The following INPP5A variants were observed in gnomAD, a reference collection of about 807,000 sequenced individuals.
The protein encoded by INPP5A is inositol polyphosphate-5-phosphatase A.
INPP5A carries 14 observed loss-of-function variants against 65.2 expected under a neutral mutation model. That is an observed-to-expected ratio of 0.21 (90% CI 0.14 to 0.34). The LOEUF (loss-of-function observed/expected upper bound fraction) is 0.34, where lower values mean the gene tolerates loss of function less well. Ranked by LOEUF, INPP5A falls within the 10% of genes least tolerant of loss-of-function variation. INPP5A has a pLI of 1.00. For missense variants in INPP5A, 431 were observed against 545.6 expected (o/e 0.79, Z 2.09); for synonymous variants, 207 against 208.3 (o/e 0.99, Z 0.05).
intron 4 of INPP5A, among the ~76,000 whole-genome samples, chr10:132,665,740 T>G (rs1223153905): frequency 7.0e-6 from 1 of 143,686 alleles, no homozygotes; most frequent in Non-Finnish European, 1.5e-5. Flanking sequence ...TGCTTGAGCT[T>G]AGGAGTAATC....
rs139150842 is a variant in INPP5A at position 132,742,992 on chromosome 10, C to T, written c.733-6525C>T. Among the ~76,000 whole-genome samples the T allele has an allele frequency of 6.0e-4, 91 of 152,346 alleles. No homozygotes were observed. In the East Asian group the frequency reaches 9.4e-3, roughly 16 times the overall value. On this transcript the variant is annotated intron_variant, in intron 9 of 15. Transcript: ENST00000368594. ...GCCTGCCCCGCGCCCCCTTTGTCCC[C>T]GGCCATTGTTTCTGATTTCATGCTA...
At chr10:132,714,128 A>G (rs1845697636) in intron 8 of INPP5A, among the ~76,000 whole-genome samples, 2 of 152,168 alleles carry the variant, frequency 1.3e-5, no homozygotes, top group Non-Finnish European at 2.9e-5. Context: ...ATGGCATGGC[A>G]TTAAAATGTG....
chr10:132,734,552 G>A (rs1409870824), intron 9 of INPP5A, among the ~76,000 whole-genome samples: 1 of 152,260 alleles, frequency 6.6e-6, no homozygotes, highest in Non-Finnish European at 1.5e-5. Context: ...CTGGGTGGGT[G>A]AGTGTCCCAC....
chr10:132,670,704 C>T (rs1291742101), intron 4 of INPP5A, among the ~76,000 whole-genome samples: 2 of 151,996 alleles, frequency 1.3e-5, no homozygotes, highest in African/African-American at 4.8e-5. Flanking sequence ...CCCCAGAACA[C>T]CCAGTCTCCC....
intron 8 of INPP5A, among the ~76,000 whole-genome samples, chr10:132,721,428 G>C (rs145545114): frequency 1.6e-5 from 1 of 61,934 alleles, no homozygotes; most frequent in Non-Finnish European, 3.2e-5. Context: ...TAGACGGCTG[G>C]CTTCAGGGTT....
chr10:132,618,069 A>C (rs893297324), intron 2 of INPP5A, among the ~76,000 whole-genome samples: 10 of 152,350 alleles, frequency 6.6e-5, no homozygotes, highest in African/African-American at 2.2e-4. Context: ...TGTGGGAATG[A>C]GGATAAATTT....
chr10:132,612,732 C>T (rs950265049), intron 2 of INPP5A, among the ~76,000 whole-genome samples: 3 of 152,206 alleles, frequency 2.0e-5, no homozygotes, highest in Non-Finnish European at 4.4e-5. Context: ...AGCCCATGTC[C>T]GCTCTCTAGG....
chr10:132,605,029 G>C (rs966214340), intron 1 of INPP5A, among the ~76,000 whole-genome samples: 1 of 152,002 alleles, frequency 6.6e-6, no homozygotes, highest in Non-Finnish European at 1.5e-5. Context: ...GGATCCACTT[G>C]TGTTTTCTGA....
intron 1 of INPP5A, among the ~76,000 whole-genome samples, chr10:132,600,505 C>T (rs1283551463): frequency 1.3e-5 from 2 of 152,256 alleles, no homozygotes; most frequent in African/African-American, 2.4e-5. Context: ...AAGTTCCAAA[C>T]TTTCCCACAT....
chr10:132,775,167 GAGA>G (rs1565014100), intron 12 of INPP5A, among the ~76,000 whole-genome samples: 217 of 3,986 alleles, frequency 0.054, 74 homozygotes, highest in Middle Eastern at 0.083. Flanking sequence ...GAGAGGGGCA[GAGA>G]GGAGGGGCAG....
rs147061426 is a variant in INPP5A at position 132,708,050 on chromosome 10, G to A, written c.475-263G>A. 2.8e-3 allele frequency among the ~76,000 whole-genome samples: 427 copies of A among 152,306 alleles called. 3 individuals are homozygous for A. The highest frequency in any genetic ancestry group is 9.8e-3 in the African/African-American group (409 of 41,558). ...ACATGGGGGCATGGGGCTCACAGGC[G>A]GCAGGCTGGCACGTTTCTTCATATC... is the stretch of plus-strand genomic sequence containing the variant. On this transcript the variant is annotated intron_variant, in intron 6 of 15. Coordinates refer to ENST00000368594, the MANE Select transcript of INPP5A (RefSeq NM_005539.5).
chr10:132,572,183 G>A (rs897645960), intron 1 of INPP5A, among the ~76,000 whole-genome samples: 24 of 152,380 alleles, frequency 1.6e-4, no homozygotes, highest in Middle Eastern at 3.4e-3. Context: ...CAGGTGTGCC[G>A]AGAGGCTGGC....
chr10:132,687,414 G>A (rs796823672), intron 4 of INPP5A, among the ~76,000 whole-genome samples: 1 of 152,234 alleles, frequency 6.6e-6, no homozygotes, highest in Non-Finnish European at 1.5e-5. Context: ...AGCTCACCAG[G>A]GCATGTGGCC....
Position 132,781,852 on chromosome 10 carries a change from C to T in INPP5A, c.1159-9C>T, listed in dbSNP as rs1847168410. Reference sequence around the variant, plus strand: ...GCCGTGCTGACACCGTCCTCTCTTCCTGCTGCAGCCCGTGTTCCTGGCCTT... The same window carrying T: ...GCCGTGCTGACACCGTCCTCTCTTCTTGCTGCAGCCCGTGTTCCTGGCCTT... On this transcript the variant is annotated splice_polypyrimidine_tract_variant and intron_variant, in intron 14 of 15. Coordinates refer to ENST00000368594, the MANE Select transcript of INPP5A (RefSeq NM_005539.5). 6.2e-7 allele frequency: 1 copy of T among 1,612,920 alleles called. No individual in the cohort carries two copies. The highest frequency in any genetic ancestry group is 8.5e-7 in the Non-Finnish European group (1 of 1,179,336).
rs3793666 is a variant in INPP5A at position 132,704,150 on chromosome 10, C to G, written c.475-4163C>G. ...CCCAGTCCCCCCAGACAGGAGGTGT[C>G]GAGGCACGGAAGATGAGCTGCTGGT... On this transcript the variant is annotated intron_variant, in intron 6 of 15. Coordinates refer to ENST00000368594, the MANE Select transcript of INPP5A (RefSeq NM_005539.5). This position sits in a 1 kb window ranked among gnomAD's most constrained non-coding sequence, Gnocchi z 4.5. Among the ~76,000 whole-genome samples the G allele has an allele frequency of 1.3e-5, 2 of 152,102 alleles. No individual in the cohort carries two copies. Among genetic ancestry groups the G allele is most frequent in the Admixed American group, 6.5e-5 (1 of 15,296 alleles).
chr10:132,608,060 G>A (rs2071883011), intron 2 of INPP5A, 104 bp downstream of exon 2: 8 of 1,002,000 alleles, frequency 8.0e-6, no homozygotes, highest in African/African-American at 3.2e-5. Flanking sequence ...TATGGGGAGC[G>A]CAGGCCTGGG....
intron 8 of INPP5A, among the ~76,000 whole-genome samples, chr10:132,724,952 A>G (rs1255060682): frequency 4.9e-3 from 454 of 92,426 alleles, no homozygotes; most frequent in African/African-American, 0.013. Context: ...TCACGGGGAG[A>G]CCCCAGGACG....
At position 132,676,238 on chromosome 10, in the gene INPP5A, G is replaced by A. The variant is rs1254133204; in HGVS notation, c.307-14154G>A. On this transcript the variant is annotated intron_variant, in intron 4 of 15. Coordinates refer to ENST00000368594, the MANE Select transcript of INPP5A (RefSeq NM_005539.5). The surrounding 1 kb of genome is among the most constrained non-coding windows in gnomAD (Gnocchi z 4.0). ...TCTCATTTTGAGAGGAAGAGCTCTA[G>A]GTGATACAGGTTTAAAATGACTGGT... 1.3e-4 allele frequency among the ~76,000 whole-genome samples: 20 copies of A among 152,166 alleles called. No homozygotes were observed. Among genetic ancestry groups the A allele is most frequent in the Non-Finnish European group, 5.9e-5 (4 of 68,028 alleles).
intron 6 of INPP5A, among the ~76,000 whole-genome samples, chr10:132,699,140 T>G (rs1370599385): frequency 6.6e-6 from 1 of 152,142 alleles, no homozygotes; most frequent in South Asian, 2.1e-4. Flanking sequence ...CGTCCCTGGG[T>G]CATGACAGCC....
Sources: allele counts gnomAD v4.1 joint callset (sites outside exome capture counted in the v4.1 genomes callset), GRCh38; gene constraint gnomAD v4.1.1; non-coding constraint Gnocchi (gnomAD v3.1); transcripts MANE v1.5; gene names NCBI Gene and HGNC (gene_info 2026-07-23, HGNC 2026-07-21).